ADAMTS6: variants seen among roughly 807,000 people sequenced by gnomAD.
ADAMTS6 encodes ADAM metallopeptidase with thrombospondin type 1 motif 6, also known as A disintegrin and metalloproteinase with thrombospondin motifs 6.
Under a neutral mutation model 144.3 loss-of-function variants are expected in ADAMTS6, and 23 were observed. The ratio of observed to expected loss-of-function variants is 0.16; its 90% CI spans 0.11 to 0.23. ADAMTS6 has a LOEUF of 0.23. ADAMTS6 is among the 10% of genes least tolerant of loss of function. The pLI is 1.00. For synonymous variants in ADAMTS6, 444 were observed against 457.5 expected, an observed-to-expected ratio of 0.97 and a Z score of 0.38; for missense variants, 999 against 1,379.6, an observed-to-expected ratio of 0.72 and a Z score of 4.37.
Position 65,452,846 on chromosome 5 carries a change from T to C in ADAMTS6, c.704A>G (p.Asn235Ser), listed in dbSNP as rs748599352. 6.2e-7 allele frequency: 1 copy of C among 1,614,106 alleles called. No homozygotes were observed. Among genetic ancestry groups the C allele is most frequent in the East Asian group, 2.2e-5 (1 of 44,876 alleles). ...CTTCTGTCTGTGGTGGATATGTGTG[T>C]TGTTAATTGGTAGTGAATAAGAAAC... The part of the protein sequence containing the change: ...STVSYSLPIN[N>S]THIHHRQKRS... Residue 235 changes from asparagine (N) to serine (S), a missense_variant, in exon 5 of 25, where the codon AAC becomes AGC. By Grantham distance (46) the Asn-to-Ser change is conservative (BLOSUM62 1). Around this residue, in one of 3 missense-constraint regions of ADAMTS6, gnomAD observed 252 missense variants for 293.7 expected, o/e 0.86. Coordinates refer to ENST00000381055, the MANE Select transcript of ADAMTS6 (RefSeq NM_197941.4).
At chr5:65,419,368 C>T (rs544603572) in intron 7 of ADAMTS6, among the ~76,000 whole-genome samples, 128 of 152,062 alleles carry the variant, frequency 8.4e-4, no homozygotes, top group Admixed American at 2.5e-3. Flanking sequence ...GACATAAAGA[C>T]GGCAACAATA....
chr5:65,282,988 C>T (rs1265216340), intron 11 of ADAMTS6, among the ~76,000 whole-genome samples: 2 of 152,032 alleles, frequency 1.3e-5, no homozygotes, highest in Non-Finnish European at 2.9e-5. Context: ...ACACTTTTGG[C>T]CCTTGGGAAA....
In ADAMTS6 at chr5:65,451,597, A is replaced by G. The variant is rs771275962; in HGVS notation, c.951T>C (p.His317=). ...AGAAGCTATCGAGGGACTTGTCTGC[A>G]TGGTGGTTTATCTCCAAGTTTGGCT... is the stretch of plus-strand genomic sequence containing the variant. ...EDQPNLEINH[H]ADKSLDSFCK... Residue 317 remains histidine, a synonymous_variant, in exon 7 of 25, where the codon CAT becomes CAC. Coordinates refer to ENST00000381055, the MANE Select transcript of ADAMTS6 (RefSeq NM_197941.4). 1 of 1,612,934 alleles carries G rather than the reference A, an allele frequency of 6.2e-7. No homozygotes were observed. Among genetic ancestry groups the G allele is most frequent in the Non-Finnish European group, 8.5e-7 (1 of 1,179,496 alleles).
At chr5:65,398,784 GAAAGAAA>G (rs1753592831) in intron 7 of ADAMTS6, among the ~76,000 whole-genome samples, 1 of 48,510 alleles carries the variant, frequency 2.1e-5, no homozygotes, top group Non-Finnish European at 5.4e-5. Flanking sequence ...GAGAGAGCAA[GAAAGAAA>G]GAAAGAAAGA....
chr5:65,275,158 T>C (rs1011384442), intron 11 of ADAMTS6, among the ~76,000 whole-genome samples: 1 of 139,364 alleles, frequency 7.2e-6, no homozygotes, highest in African/African-American at 2.7e-5. Context: ...AGTTAGAAGT[T>C]GCAGTGAACT....
At chr5:65,281,329 G>C (rs759684623) in intron 11 of ADAMTS6, among the ~76,000 whole-genome samples, 38 of 152,016 alleles carry the variant, frequency 2.5e-4, no homozygotes, top group Non-Finnish European at 4.6e-4. Flanking sequence ...GTTTACTTTT[G>C]TATTCCAATA....
chr5:65,355,688 A>ACTTAT (rs1561457324), intron 7 of ADAMTS6, among the ~76,000 whole-genome samples: 1 of 151,858 alleles, frequency 6.6e-6, no homozygotes, highest in Non-Finnish European at 1.5e-5. Flanking sequence ...AAACAAAGGA[A>ACTTAT]CTAAAGCATC....
chr5:65,426,072 G>A (rs554537521), intron 7 of ADAMTS6, among the ~76,000 whole-genome samples: 1 of 144,238 alleles, frequency 6.9e-6, no homozygotes, highest in African/African-American at 2.6e-5. Flanking sequence ...TTGAGACTGA[G>A]TTTCGCTCTT....
chr5:65,407,939 G>C (rs1754700607), intron 7 of ADAMTS6, among the ~76,000 whole-genome samples: 1 of 152,052 alleles, frequency 6.6e-6, no homozygotes, highest in Admixed American at 6.6e-5. Context: ...TTACAGACAA[G>C]CAAATGCTGA....
chr5:65,406,805 G>T (rs1053611097), intron 7 of ADAMTS6, among the ~76,000 whole-genome samples: 2 of 151,928 alleles, frequency 1.3e-5, no homozygotes, highest in Non-Finnish European at 2.9e-5. Flanking sequence ...ATTATTTTGA[G>T]ATACGTCCCA....
At position 65,160,557 on chromosome 5, in the gene ADAMTS6, C is replaced by G. The variant is rs535449101; in HGVS notation, c.3245-8612G>C. Among the ~76,000 whole-genome samples, 5 of 152,080 alleles carry G rather than the reference C, an allele frequency of 3.3e-5. No homozygotes were observed. The East Asian group carries it at 9.7e-4, about 29-fold the overall frequency. On this transcript the variant is annotated intron_variant, in intron 24 of 24. Transcript: ENST00000381055. ...CTGACCTCGTGATCTGCCCGCCTCG[C>G]CCTCCCAAAGTGCTGGGATTACAGG...
rs80155678 is a variant in ADAMTS6 at position 65,219,133 on chromosome 5, C to T, written c.2273-3646G>A. The stretch of plus-strand genomic sequence containing the variant: ...AGCAAGATGGTAGGCTTAAACCCAA[C>T]GATATTGATAATTACATTAAATATA... On this transcript the variant is annotated intron_variant, in intron 18 of 24. Transcript: ENST00000381055. 2.6e-3 allele frequency among the ~76,000 whole-genome samples: 398 copies of T among 152,192 alleles called. 3 individuals carry two copies. Among genetic ancestry groups the T allele is most frequent in the Non-Finnish European group, 3.4e-3 (228 of 67,994 alleles).
intron 7 of ADAMTS6, among the ~76,000 whole-genome samples, chr5:65,381,864 T>TAA (rs1359380144): frequency 1.3e-5 from 2 of 152,126 alleles, no homozygotes; most frequent in Non-Finnish European, 2.9e-5. Context: ...AGATACAGAG[T>TAA]AAAAGCTCAC....
intron 7 of ADAMTS6, among the ~76,000 whole-genome samples, chr5:65,430,424 A>G (rs963061115): frequency 6.6e-6 from 1 of 152,162 alleles, no homozygotes; most frequent in Non-Finnish European, 1.5e-5. Context: ...CAATGTGCCT[A>G]CTTGGAACAC....
chr5:65,161,357 CTA>C (rs1752767470), intron 24 of ADAMTS6, among the ~76,000 whole-genome samples: 2 of 152,226 alleles, frequency 1.3e-5, no homozygotes, highest in Non-Finnish European at 2.9e-5. Flanking sequence ...CTTTTGAAAT[CTA>C]TGTTATCCGT....
In ADAMTS6 at chr5:65,149,057, C is replaced by T. The variant is rs1425666749; in HGVS notation, c.*2779G>A. On this transcript the variant is annotated 3_prime_UTR_variant, in exon 25 of 25. Coordinates refer to ENST00000381055, the MANE Select transcript of ADAMTS6 (RefSeq NM_197941.4). Reference sequence around the variant, plus strand: ...GACATTCATTCAAACAAAAAAGTTCCTAATGAAATGGACTATTTGGAAATC... The same window carrying T: ...GACATTCATTCAAACAAAAAAGTTCTTAATGAAATGGACTATTTGGAAATC... 1 of 152,626 alleles carries T rather than the reference C, an allele frequency of 6.6e-6. No homozygotes were observed. Among genetic ancestry groups the T allele is most frequent in the Non-Finnish European group, 1.5e-5 (1 of 68,038 alleles). 9.5% of individuals were successfully genotyped at this position (152,626 alleles called of 1,614,324 possible).
chr5:65,336,339 CAATG>C, intron 7 of ADAMTS6, among the ~76,000 whole-genome samples: 1 of 152,004 alleles, frequency 6.6e-6, no homozygotes, highest in Non-Finnish European at 1.5e-5. Flanking sequence ...GATAATTAGC[CAATG>C]AATGTCTAAT....
intron 14 of ADAMTS6, chr5:65,251,419 A>G (rs949823990): frequency 1.3e-5 from 2 of 152,338 alleles, no homozygotes; most frequent in African/African-American, 4.8e-5. Flanking sequence ...CAAAAACTCT[A>G]TTGTAGTTCC....
intron 22 of ADAMTS6, among the ~76,000 whole-genome samples, chr5:65,175,575 G>A (rs1340491774): frequency 6.6e-6 from 1 of 151,320 alleles, no homozygotes; most frequent in Non-Finnish European, 1.5e-5. Flanking sequence ...CCTTAACCCA[G>A]TAACCTGTGG....
Sources: gnomAD v4.1 joint callset for allele counts (sites outside exome capture counted in the v4.1 genomes callset) on GRCh38, gnomAD v4.1.1 for gene constraint, gnomAD v4.1.1 regional missense constraint, MANE v1.5 for transcripts, NCBI Gene and HGNC (gene_info 2026-07-23, HGNC 2026-07-21) for gene names.